Variants in LHFPL3 observed in about 807,000 individuals in gnomAD.
The protein encoded by LHFPL3 is LHFPL tetraspan subfamily member 3 protein.
LHFPL3 carries 5 observed loss-of-function variants against 19.3 expected under a neutral mutation model. That is an observed-to-expected ratio of 0.26 (90% CI 0.14 to 0.54). The LOEUF is 0.54. Ranked by LOEUF, LHFPL3 falls within the 20% of genes least tolerant of loss-of-function variation. The pLI is 0.94. For missense variants in LHFPL3, 249 were observed against 307.4 expected (o/e 0.81, Z 1.42); for synonymous variants, 133 against 126.2 (o/e 1.05, Z -0.36).
intron 2 of LHFPL3, among the ~76,000 whole-genome samples, chr7:104,891,428 A>G (rs1792244254): frequency 6.6e-6 from 1 of 152,150 alleles, no homozygotes; most frequent in Non-Finnish European, 1.5e-5. Flanking sequence ...AATCAGGCCA[A>G]ATTTCATCCC....
intron 2 of LHFPL3, among the ~76,000 whole-genome samples, chr7:104,835,947 A>G (rs953322689): frequency 6.6e-6 from 1 of 151,922 alleles, no homozygotes; most frequent in African/African-American, 2.4e-5. Context: ...GGAGACAGAA[A>G]ATAAATAAAC....
At chr7:104,849,498 C>T (rs561022830) in intron 2 of LHFPL3, among the ~76,000 whole-genome samples, 2 of 152,268 alleles carry the variant, frequency 1.3e-5, no homozygotes, top group South Asian at 2.1e-4. Flanking sequence ...CCTTGGCCCA[C>T]TTAAGGTTCA....
intron 1 of LHFPL3, among the ~76,000 whole-genome samples, chr7:104,502,813 A>T (rs1221440048): frequency 1.3e-5 from 2 of 152,076 alleles, no homozygotes; most frequent in Admixed American, 6.6e-5. Flanking sequence ...TGTTTACACA[A>T]CTCTATTCCA....
intron 1 of LHFPL3, among the ~76,000 whole-genome samples, chr7:104,539,889 A>G (rs1794453442): frequency 6.6e-6 from 1 of 152,170 alleles, no homozygotes; most frequent in Non-Finnish European, 1.5e-5. Context: ...CACAAAATAA[A>G]AAGTTGGGAA....
chr7:104,808,670 G>A (rs987630428), intron 2 of LHFPL3, among the ~76,000 whole-genome samples: 1 of 152,192 alleles, frequency 6.6e-6, no homozygotes, highest in Non-Finnish European at 1.5e-5. Context: ...CGTTCTATTA[G>A]TGTGTGATTC....
chr7:104,609,204 G>A (rs972826513), intron 1 of LHFPL3, among the ~76,000 whole-genome samples: 1 of 151,874 alleles, frequency 6.6e-6, no homozygotes, highest in Non-Finnish European at 1.5e-5. Flanking sequence ...GGCAGAGGTT[G>A]TAGTGAGCTG....
intron 1 of LHFPL3, among the ~76,000 whole-genome samples, chr7:104,496,529 C>G (rs1031671577): frequency 1.3e-5 from 2 of 152,044 alleles, no homozygotes; most frequent in African/African-American, 4.8e-5. Context: ...GTTCTAGATC[C>G]CTGAGGAATC....
intron 2 of LHFPL3, among the ~76,000 whole-genome samples, chr7:104,899,443 A>G (rs6949139): frequency 0.16 from 24,040 of 151,810 alleles, 4,298 homozygotes; most frequent in East Asian, 0.48. Flanking sequence ...GAGAAAGAAC[A>G]CCTGTGGGAC....
chr7:104,502,510 T>C (rs1793617981), intron 1 of LHFPL3, among the ~76,000 whole-genome samples: 1 of 152,238 alleles, frequency 6.6e-6, no homozygotes, highest in South Asian at 2.1e-4. Context: ...CTAAGCCATC[T>C]GGACTGTGAC....
chr7:104,571,564 C>T, intron 1 of LHFPL3, among the ~76,000 whole-genome samples: 1 of 152,284 alleles, frequency 6.6e-6, no homozygotes, highest in East Asian at 1.9e-4. Context: ...TGAAAAGCAG[C>T]TCACTCCTTT....
intron 1 of LHFPL3, among the ~76,000 whole-genome samples, chr7:104,419,311 T>C (rs1791683247): frequency 6.6e-6 from 1 of 152,202 alleles, no homozygotes; most frequent in African/African-American, 2.4e-5. Context: ...AGAATGGTAA[T>C]CTGGTTGCAT....
intron 1 of LHFPL3, among the ~76,000 whole-genome samples, chr7:104,567,943 C>G (rs1252931191): frequency 6.6e-6 from 1 of 152,132 alleles, no homozygotes; most frequent in African/African-American, 2.4e-5. Flanking sequence ...ACTGCTCTCT[C>G]AGTCAAGTTT....
chr7:104,384,594 C>T (rs1308622958), intron 1 of LHFPL3, among the ~76,000 whole-genome samples: 1 of 151,582 alleles, frequency 6.6e-6, no homozygotes, highest in Non-Finnish European at 1.5e-5. Flanking sequence ...TGAGACCAGC[C>T]TGATCAACAT....
intron 1 of LHFPL3, 62 bp from the exon 2 acceptor site, chr7:104,736,613 T>G: frequency 9.1e-7 from 1 of 1,094,590 alleles, no homozygotes. Flanking sequence ...AAACATTTGC[T>G]AAGTTAAAAT....
At chr7:104,593,873 T>TC (rs2115654587) in intron 1 of LHFPL3, among the ~76,000 whole-genome samples, 1 of 151,428 alleles carries the variant, frequency 6.6e-6, no homozygotes, top group Non-Finnish European at 1.5e-5. Flanking sequence ...GACCCCTGCT[T>TC]TTTTTTTGCA....
intron 1 of LHFPL3, among the ~76,000 whole-genome samples, chr7:104,735,703 C>T (rs56354034): frequency 0.19 from 29,666 of 152,284 alleles, 3,477 homozygotes; most frequent in South Asian, 0.43. Context: ...AGCTTACGCT[C>T]GGTGCACTGC....
At chr7:104,599,190 G>A (rs1013500747) in intron 1 of LHFPL3, among the ~76,000 whole-genome samples, 3 of 152,094 alleles carry the variant, frequency 2.0e-5, no homozygotes, top group African/African-American at 7.2e-5. Context: ...GAAATTAGTG[G>A]CCTAATCAAT....
At chr7:104,709,994 C>T (rs749090322) in intron 1 of LHFPL3, among the ~76,000 whole-genome samples, 2 of 152,214 alleles carry the variant, frequency 1.3e-5, no homozygotes, top group Non-Finnish European at 2.9e-5. Flanking sequence ...GAGGTTGTAG[C>T]AAGCCGGGAT....
intron 2 of LHFPL3, chr7:104,896,158 G>A (rs183794921): frequency 6.6e-6 from 1 of 152,326 alleles, no homozygotes; most frequent in Admixed American, 6.5e-5. Context: ...TCCAAATACA[G>A]TCGTATTGGG....
Sources: allele counts gnomAD v4.1 joint callset (sites outside exome capture counted in the v4.1 genomes callset), GRCh38; gene constraint gnomAD v4.1.1; transcripts MANE v1.5; gene names NCBI Gene and HGNC (gene_info 2026-07-23, HGNC 2026-07-21).